Variants in LGALS3 observed in about 807,000 individuals in gnomAD.
LGALS3 encodes the protein galectin-3.
Under a neutral mutation model 20.7 loss-of-function variants are expected in LGALS3, and 18 were observed. The ratio of observed to expected loss-of-function variants is 0.87; its 90% CI spans 0.60 to 1.29. LGALS3 has a LOEUF of 1.29. LGALS3 is among the 50% of genes most tolerant of loss of function. LGALS3 has a pLI of 0.00. For missense variants in LGALS3, 315 were observed against 314.7 expected, an observed-to-expected ratio of 1.00 and a Z score of -0.01; for synonymous variants, 112 against 119.6, an observed-to-expected ratio of 0.94 and a Z score of 0.42.
chr14:55,144,688 C>A (rs1881751641), intron 5 of LGALS3, among the ~76,000 whole-genome samples: 1 of 152,162 alleles, frequency 6.6e-6, no homozygotes, highest in African/African-American at 2.4e-5. Flanking sequence ...CTCAGCCTCC[C>A]AAGTAGCTGG....
At chr14:55,142,372 GCTTAC>G (rs760950022) in intron 4 of LGALS3, among the ~76,000 whole-genome samples, 15 of 152,154 alleles carry the variant, frequency 9.9e-5, no homozygotes, top group Admixed American at 4.6e-4. Context: ...CTATTGTCTT[GCTTAC>G]CTTTAGATTT....
Position 55,140,285 on chromosome 14 carries a change from A to G in LGALS3, c.353A>G (p.Tyr118Cys), listed in dbSNP as rs1189378785. 2 of 1,612,486 alleles carry G rather than the reference A, an allele frequency of 1.2e-6. No homozygotes were observed. The highest frequency in any genetic ancestry group is 1.7e-6 in the Non-Finnish European group (2 of 1,178,766). ...GAPAGPLIVP[Y>C]NLPLPGGVVP... ...CTTGTTAATTCCCAGATTGTGCCTT[A>G]TAACCTGCCTTTGCCTGGGGGAGTG... Residue 118 changes from tyrosine (Y) to cysteine (C), a missense_variant, in exon 4 of 6, where the codon TAT becomes TGT. Transcript: ENST00000254301.
chr14:55,143,252 C>T (rs910059657), intron 5 of LGALS3, among the ~76,000 whole-genome samples: 4 of 152,108 alleles, frequency 2.6e-5, no homozygotes, highest in African/African-American at 9.7e-5. Context: ...ATACAGCACG[C>T]TTTTTATTTG....
rs755964583 is a variant in LGALS3, at chr14:55,138,030, T to C, written c.19-15T>C. On this transcript the variant is annotated splice_polypyrimidine_tract_variant and intron_variant, in intron 2 of 5. Transcript: ENST00000254301. The stretch of plus-strand genomic sequence containing the variant: ...ATGCTTTCTGTCCCGTAATTGTGTA[T>C]GTCTTTCTTTCCAGCTCCATGATGC... The C allele has an allele frequency of 6.7e-7, 1 of 1,493,160 alleles. No individual in the cohort carries two copies. The highest frequency in any genetic ancestry group is 2.4e-5 in the Admixed American group (1 of 42,166). 92.5% of individuals were successfully genotyped at this position (1,493,160 alleles called of 1,614,324 possible). A position where few individuals can be genotyped will look rare whatever the true frequency, so the allele number is the denominator to read the frequency against.
At chr14:55,136,408 G>C (rs928101286) in intron 1 of LGALS3, among the ~76,000 whole-genome samples, 7 of 151,672 alleles carry the variant, frequency 4.6e-5, no homozygotes, top group Non-Finnish European at 2.9e-5. Flanking sequence ...TTCTGGGTTT[G>C]AATTCCTACA....
chr14:55,140,311 G>A lies in LGALS3; in HGVS notation c.379G>A (p.Val127Met), dbSNP rs1167472073. 1.2e-6 allele frequency: 2 copies of A among 1,613,832 alleles called. No individual in the cohort carries two copies. The highest frequency in any genetic ancestry group is 1.7e-6 in the Non-Finnish European group (2 of 1,179,874). The change falls in exon 4 of 6, where the codon GTG becomes ATG. Residue 127 changes from valine (V) to methionine (M), a missense_variant. Transcript: ENST00000254301. ...TAACCTGCCTTTGCCTGGGGGAGTG[G>A]TGCCTCGCATGCTGATAACAATTCT... ...PYNLPLPGGV[V>M]PRMLITILGT... is the part of the protein sequence containing the mutation.
chr14:55,137,501 C>T (rs1219526388), intron 2 of LGALS3, 110 bp downstream of exon 2: 1 of 1,607,928 alleles, frequency 6.2e-7, no homozygotes, highest in East Asian at 2.2e-5. Flanking sequence ...TGCGTGGCTT[C>T]CCCTGGACTC....
At chr14:55,131,238 C>G (rs955492478) in intron 1 of LGALS3, among the ~76,000 whole-genome samples, 1 of 152,146 alleles carries the variant, frequency 6.6e-6, no homozygotes, top group East Asian at 1.9e-4. Context: ...GGATTGACCC[C>G]GAAAACTAGC....
At chr14:55,143,426 C>CTTTTT in intron 5 of LGALS3, 1 of 328,364 alleles carries the variant, frequency 3.0e-6, no homozygotes, top group South Asian at 2.3e-5. Flanking sequence ...CTTAATAGCA[C>CTTTTT]TTTTTTTTTT....
At chr14:55,135,771 C>A (rs1881376254) in intron 1 of LGALS3, among the ~76,000 whole-genome samples, 1 of 151,912 alleles carries the variant, frequency 6.6e-6, no homozygotes, top group African/African-American at 2.4e-5. Flanking sequence ...TGCCATATTG[C>A]CCAGGCTAGT....
At chr14:55,139,948 C>A (rs879785743) in intron 3 of LGALS3, among the ~76,000 whole-genome samples, 1 of 152,170 alleles carries the variant, frequency 6.6e-6, no homozygotes, top group East Asian at 1.9e-4. Flanking sequence ...TGTACCATGA[C>A]AGGGCCTTAA....
chr14:55,140,455 C>G, intron 4 of LGALS3, 92 bp downstream of exon 4: 1 of 731,160 alleles, frequency 1.4e-6, no homozygotes, highest in East Asian at 2.8e-5. Context: ...CCCTGTCTTA[C>G]AGTGCTATTT....
At position 55,142,700 on chromosome 14, in the gene LGALS3, G is replaced by A. The variant is rs10148371; in HGVS notation, c.548G>A (p.Arg183Lys). ...ACAAAGCTGGATAATAACTGGGGAA[G>A]GGAAGAAAGACAGTCGGTTTTCCCA... ...CNTKLDNNWGREERQSVFPFE... is the reference protein window; with the variant it reads ...CNTKLDNNWGKEERQSVFPFE... The change falls in exon 5 of 6, where the codon AGG becomes AAG. Residue 183 changes from arginine to lysine, a missense_variant. Physicochemically the swap from Arg to Lys is conservative, Grantham distance 26. Coordinates refer to ENST00000254301, the MANE Select transcript of LGALS3 (RefSeq NM_002306.4). The A allele has an allele frequency of 4.9e-3, 7,899 of 1,613,880 alleles. 326 individuals carry two copies. In the African/African-American group the frequency reaches 0.091, roughly 19 times the overall value.
At chr14:55,138,606 T>C (rs1881507731) in intron 3 of LGALS3, among the ~76,000 whole-genome samples, 1 of 113,802 alleles carries the variant, frequency 8.8e-6, no homozygotes, top group South Asian at 2.6e-4. Flanking sequence ...AAGATTGTAG[T>C]AATGGAGAAC....
At position 55,137,386 on chromosome 14, in the gene LGALS3, T is replaced by G. The variant is rs770465937; in HGVS notation, c.13T>G (p.Phe5Val). 6.2e-7 allele frequency: 1 copy of G among 1,614,144 alleles called. No individual in the cohort carries two copies. Among genetic ancestry groups the G allele is most frequent in the South Asian group, 1.1e-5 (1 of 91,082 alleles). Reference protein sequence around the residue: MADNFSLHDALSGSG... With the variant: MADNVSLHDALSGSG... ...TTCTTTCAGGAAAATGGCAGACAAT[T>G]TTTCGGTAAGTGTTTTATGCCTGTT... Residue 5 changes from phenylalanine to valine, a missense_variant, in exon 2 of 6, where the codon TTT becomes GTT. Coordinates refer to ENST00000254301, the MANE Select transcript of LGALS3 (RefSeq NM_002306.4).
intron 1 of LGALS3, among the ~76,000 whole-genome samples, chr14:55,131,286 G>A (rs900518972): frequency 6.6e-6 from 1 of 152,148 alleles, no homozygotes; most frequent in African/African-American, 2.4e-5. Flanking sequence ...TCTGTTAAGC[G>A]GTCTTTAAAC....
At chr14:55,139,609 G>A (rs533682064) in intron 3 of LGALS3, among the ~76,000 whole-genome samples, 1 of 152,298 alleles carries the variant, frequency 6.6e-6, no homozygotes, top group African/African-American at 2.4e-5. Flanking sequence ...CTCAACAACT[G>A]AGACTCGGAT....
intron 1 of LGALS3, among the ~76,000 whole-genome samples, chr14:55,133,447 A>G (rs1256276579): frequency 1.3e-5 from 2 of 152,324 alleles, no homozygotes; most frequent in East Asian, 1.9e-4. Flanking sequence ...CAAGCCTGCT[A>G]CTAAGTGACT....
intron 1 of LGALS3, among the ~76,000 whole-genome samples, chr14:55,131,040 T>C (rs906336636): frequency 6.6e-6 from 1 of 152,234 alleles, no homozygotes. Context: ...TACCCCATCC[T>C]TGATCTTTGG....
Sources: allele counts gnomAD v4.1 joint callset (sites outside exome capture counted in the v4.1 genomes callset), GRCh38; gene constraint gnomAD v4.1.1; transcripts MANE v1.5; gene names NCBI Gene and HGNC (gene_info 2026-07-23, HGNC 2026-07-21).